The following CAPN11 variants were observed in gnomAD, a reference collection of about 807,000 sequenced individuals.
CAPN11 encodes the protein calpain 11, also known as calpain-11.
Under a neutral mutation model 105.3 loss-of-function variants are expected in CAPN11, and 108 were observed. The observed-to-expected ratio is 1.03, with a 90% confidence interval of 0.88 to 1.20. The LOEUF is 1.20. Ranked by LOEUF, CAPN11 falls within the 50% of genes most tolerant of loss-of-function variation. The probability of loss-of-function intolerance (pLI) is 0.00; values close to 1 mark genes in which losing one functional copy is unlikely to be tolerated. For synonymous variants in CAPN11, 329 were observed against 344.5 expected (o/e 0.96, Z 0.50); for missense variants, 883 against 924.8 (o/e 0.95, Z 0.59).
intron 1 of CAPN11, 38 bp from the exon 2 acceptor site, chr6:44,166,720 C>T (rs1217724113): frequency 6.7e-7 from 1 of 1,483,124 alleles, no homozygotes; most frequent in South Asian, 1.2e-5. Flanking sequence ...CTTTAGACCA[C>T]AGCCTTCCTC....
At chr6:44,169,673 GGGACAGTTCT>G in intron 3 of CAPN11, 142 bp downstream of exon 3, 1 of 997,570 alleles carries the variant, frequency 1.0e-6, no homozygotes, top group Non-Finnish European at 1.5e-6. Flanking sequence ...ATCAGAGCTG[GGGACAGTTCT>G]GAATATGCTT....
Position 44,180,586 on chromosome 6 carries a change from C to T in CAPN11, c.1681-11C>T. On this transcript the variant is annotated splice_polypyrimidine_tract_variant and intron_variant, in intron 15 of 22. Transcript: ENST00000398776. ...TCTGACCAGGTCCCTTTCCTGCTCC[C>T]CGGCCCCCAGGAAAAGGTCTCTGAG... 6.2e-7 allele frequency: 1 copy of T among 1,613,802 alleles called. No homozygotes were observed. The highest frequency in any genetic ancestry group is 1.1e-5 in the South Asian group (1 of 91,074).
intron 1 of CAPN11, among the ~76,000 whole-genome samples, chr6:44,159,519 G>C (rs1290847615): frequency 6.6e-6 from 1 of 151,972 alleles, no homozygotes; most frequent in Non-Finnish European, 1.5e-5. Flanking sequence ...GGCACCGTGA[G>C]ACCATGGGCC....
chr6:44,161,480 G>T (rs923452182), intron 1 of CAPN11, among the ~76,000 whole-genome samples: 3 of 152,198 alleles, frequency 2.0e-5, no homozygotes, highest in African/African-American at 7.2e-5. Context: ...GATTACAGGC[G>T]TGAGCCACAG....
chr6:44,169,878 C>G (rs1374867031), intron 3 of CAPN11, 28 bp from the exon 4 acceptor site: 1 of 1,565,264 alleles, frequency 6.4e-7, no homozygotes, highest in Non-Finnish European at 8.8e-7. Flanking sequence ...GTCCTGGGCC[C>G]CCTGAAACCT....
chr6:44,176,180 G>A (rs540909843), intron 8 of CAPN11, 29 bp downstream of exon 8: 12 of 1,395,892 alleles, frequency 8.6e-6, no homozygotes, highest in Non-Finnish European at 1.1e-5. Context: ...GCCCTACCCT[G>A]AGGACCCTGA....
intron 1 of CAPN11, among the ~76,000 whole-genome samples, chr6:44,162,179 A>T (rs1473475916): frequency 6.6e-6 from 1 of 152,040 alleles, no homozygotes; most frequent in African/African-American, 2.4e-5. Context: ...GCTTCCACCC[A>T]GCTCAGATGG....
chr6:44,160,339 C>T (rs1003761240), intron 1 of CAPN11, among the ~76,000 whole-genome samples: 13 of 152,114 alleles, frequency 8.5e-5, no homozygotes, highest in Admixed American at 2.0e-4. Flanking sequence ...ACGATCTGGC[C>T]GGGCGCAGTG....
At chr6:44,180,234 G>A in intron 14 of CAPN11, 71 bp downstream of exon 14, 1 of 1,168,682 alleles carries the variant, frequency 8.6e-7, no homozygotes, top group Non-Finnish European at 1.2e-6. Context: ...TCAGGGAGCT[G>A]CTGTCGGGTC....
intron 7 of CAPN11, among the ~76,000 whole-genome samples, chr6:44,174,300 A>T (rs1179491314): frequency 2.0e-5 from 3 of 152,196 alleles, no homozygotes; most frequent in Middle Eastern, 3.2e-3. Context: ...CACACCGTGG[A>T]ATACTACTTA....
In CAPN11 at chr6:44,169,306, G is replaced by A; in HGVS notation, c.114G>A (p.Met38Ile). 2 of 1,611,702 alleles carry A rather than the reference G, an allele frequency of 1.2e-6. No individual in the cohort carries two copies. Among genetic ancestry groups the A allele is most frequent in the South Asian group, 2.2e-5 (2 of 90,600 alleles). The change falls in exon 3 of 23, where the codon ATG becomes ATA. Residue 38 changes from methionine to isoleucine, a missense_variant. By Grantham distance (10) the Met-to-Ile change is conservative (BLOSUM62 1). Transcript: ENST00000398776. ...CAEPTFTDTG[M>I]VAHINNSRLK... Reference sequence around the variant, plus strand: ...AGCCCACTTTTACTGATACGGGAATGGTGGCTCACATAAACAACAGCCGGC... The same window carrying A: ...AGCCCACTTTTACTGATACGGGAATAGTGGCTCACATAAACAACAGCCGGC...
rs1773010486 is a variant in CAPN11 at position 44,180,794 on chromosome 6, T to C, written c.1793T>C (p.Met598Thr). ...GAGCTCCAGAGGCTGCTCAACAGGA[T>C]GGCCATCAAATGTGAGTCTTCCACT... is the stretch of plus-strand genomic sequence containing the variant. ...VYELQRLLNR[M>T]AIKFKSFKTK... Residue 598 changes from methionine (M) to threonine (T), a missense_variant, in exon 17 of 23, where the codon ATG becomes ACG. Physicochemically the swap from Met to Thr is moderately conservative, Grantham distance 81 (BLOSUM62 -1). Transcript: ENST00000398776. The C allele has an allele frequency of 6.2e-7, 1 of 1,613,642 alleles. No individual in the cohort carries two copies. The highest frequency in any genetic ancestry group is 8.5e-7 in the Non-Finnish European group (1 of 1,179,742).
Position 44,182,998 on chromosome 6 carries a change from C to A in CAPN11, c.1996C>A (p.Arg666Ser). 4 of 1,611,958 alleles carry A rather than the reference C, an allele frequency of 2.5e-6. No individual in the cohort carries two copies. Among genetic ancestry groups the A allele is most frequent in the Non-Finnish European group, 3.4e-6 (4 of 1,178,788 alleles). The change falls in exon 20 of 23, where the codon CGC becomes AGC. Residue 666 changes from arginine (R) to serine (S), a missense_variant. Arg to Ser is a moderately radical substitution (Grantham distance 110). Transcript: ENST00000398776. ...HSGTLNSYEM[R>S]LVIEKAGIKL... ...AGGCACCTTGAACTCCTATGAGATGCGCCTGGTTATTGAGAAAGCAGGTGG... is the reference window on the plus strand; with the variant it reads ...AGGCACCTTGAACTCCTATGAGATGAGCCTGGTTATTGAGAAAGCAGGTGG...
chr6:44,177,336 C>A lies in CAPN11; in HGVS notation c.1332C>A (p.Cys444Ter). 1 of 1,613,980 alleles carries A rather than the reference C, an allele frequency of 6.2e-7. No individual in the cohort carries two copies. Among genetic ancestry groups the A allele is most frequent in the Non-Finnish European group, 8.5e-7 (1 of 1,179,872 alleles). Reference protein sequence around the residue: ...DAEGNVVVCTCLVALMQKNWR... With the variant: ...DAEGNVVVCT Reference sequence around the variant, plus strand: ...AGGGCAATGTTGTGGTCTGCACCTGCCTGGTGGCCCTAATGCAGAAGAACT... The same window carrying A: ...AGGGCAATGTTGTGGTCTGCACCTGACTGGTGGCCCTAATGCAGAAGAACT... Residue 444 changes from cysteine (C) to a stop codon, truncating the protein, a stop_gained, in exon 12 of 23, where the codon TGC (cysteine) becomes TGA (stop). Transcript: ENST00000398776. LOFTEE classifies it high-confidence loss of function.
In CAPN11 at chr6:44,181,000, ATCC is replaced by A. The variant is rs1369900405; in HGVS notation, c.1869+8_1869+10del. On this transcript the variant is annotated splice_donor_5th_base_variant and intron_variant, in intron 18 of 22. Transcript: ENST00000398776. ...GCTGCATGATCAACCTCATGGATGT[ATCC>A]TCCTGTCCAGTGCTCTCTTGGCCCT... 6.2e-7 allele frequency: 1 copy of A among 1,612,534 alleles called. No individual in the cohort carries two copies.
chr6:44,175,048 G>C (rs936494418), intron 7 of CAPN11, among the ~76,000 whole-genome samples: 4 of 152,354 alleles, frequency 2.6e-5, no homozygotes, highest in African/African-American at 9.6e-5. Context: ...AGGGATGCTT[G>C]TGGTGATAGA....
At chr6:44,183,867 G>T in intron 22 of CAPN11, 39 bp from the exon 23 acceptor site, 1 of 1,236,416 alleles carries the variant, frequency 8.1e-7, no homozygotes, top group Non-Finnish European at 1.1e-6. Context: ...TCCTGCCCCC[G>T]TCTCTTCCCA....
chr6:44,171,086 C>T (rs1228911139), intron 4 of CAPN11, among the ~76,000 whole-genome samples: 3 of 152,278 alleles, frequency 2.0e-5, no homozygotes, highest in African/African-American at 7.2e-5. Context: ...ATTCACTTCT[C>T]CGAGGCACTC....
chr6:44,169,802 G>A (rs1675151285), intron 3 of CAPN11, 104 bp from the exon 4 acceptor site: 1 of 952,086 alleles, frequency 1.1e-6, no homozygotes, highest in African/African-American at 1.6e-5. Flanking sequence ...CCTCATATCT[G>A]TTCCCCTGGA....
Sources: allele counts gnomAD v4.1 joint callset (sites outside exome capture counted in the v4.1 genomes callset), GRCh38; gene constraint gnomAD v4.1.1; transcripts MANE v1.5; gene names NCBI Gene and HGNC (gene_info 2026-07-23, HGNC 2026-07-21).